The following CUL9 variants were observed in gnomAD, a reference collection of about 807,000 sequenced individuals.
The protein encoded by CUL9 is cullin 9, also known as cullin-9.
In CUL9, 79 loss-of-function variants were observed where a neutral mutation model predicts 272.6. The ratio of observed to expected loss-of-function variants is 0.29; its 90% CI spans 0.24 to 0.35. The LOEUF is 0.35. Among genes scored for constraint, CUL9 ranks in the 10% least tolerant of loss-of-function variants. CUL9 has a pLI of 1.00. For missense variants in CUL9, 2,532 were observed against 3,255.6 expected (o/e 0.78, Z 5.41); for synonymous variants, 1,186 against 1,286.5 (o/e 0.92, Z 1.67).
In CUL9 at chr6:43,187,242, T is replaced by C. The variant is rs765556937; in HGVS notation, c.1388-4T>C. 4.3e-5 allele frequency: 69 copies of C among 1,613,594 alleles called. No homozygotes were observed. Among genetic ancestry groups the C allele is most frequent in the Non-Finnish European group, 5.8e-5 (68 of 1,179,724 alleles). On this transcript the variant is annotated splice_polypyrimidine_tract_variant and splice_region_variant and intron_variant, in intron 5 of 40. Transcript: ENST00000252050. ...GCTGATGCCCGCCATGCCTGTGTCC[T>C]CAGCATTTCCCTCCTGGGACTGGAA...
chr6:43,223,686 C>G lies in CUL9; in HGVS notation c.7284+289C>G. 1 of 528,132 alleles carries G rather than the reference C, an allele frequency of 1.9e-6. No individual in the cohort carries two copies. Among genetic ancestry groups the G allele is most frequent in the Non-Finnish European group, 3.4e-6 (1 of 294,650 alleles). 32.7% of individuals were successfully genotyped at this position (528,132 alleles called of 1,614,324 possible). ...GAATCACTTGGGGAACTTTTCCAGA[C>G]TGTACTTCCCAGATAGGGATTTGAA... On this transcript the variant is annotated intron_variant, in intron 39 of 40. Coordinates refer to ENST00000252050, the MANE Select transcript of CUL9 (RefSeq NM_015089.4). The surrounding 1 kb of genome is among the most constrained non-coding windows in gnomAD (Gnocchi z 4.1).
In CUL9 at chr6:43,186,199, G is replaced by A. The variant is rs568642278; in HGVS notation, c.995G>A (p.Arg332Gln). Residue 332 changes from arginine (R) to glutamine (Q), a missense_variant, in exon 4 of 41, where the codon CGG becomes CAG. By Grantham distance (43) the Arg-to-Gln change is conservative. Coordinates refer to ENST00000252050, the MANE Select transcript of CUL9 (RefSeq NM_015089.4). The part of the protein sequence containing the change: ...NLSEQGMSPP[R>Q]PTRSIFQPYI... ...AGCGAACAGGGCATGTCACCTCCCC[G>A]GCCAACCCGGTCCATCTTTCAGCCC... 35 of 1,614,052 alleles carry A rather than the reference G, an allele frequency of 2.2e-5. No individual in the cohort carries two copies. Among genetic ancestry groups the A allele is most frequent in the African/African-American group, 5.3e-5 (4 of 74,932 alleles).
At chr6:43,189,298 TC>T (rs1773215766) in intron 8 of CUL9, among the ~76,000 whole-genome samples, 1 of 152,068 alleles carries the variant, frequency 6.6e-6, no homozygotes, top group Non-Finnish European at 1.5e-5. Context: ...CAAGGGATTC[TC>T]CCGCCTCAGC....
chr6:43,187,503 G>C (rs1279820435), intron 6 of CUL9, 64 bp downstream of exon 6: 4 of 1,538,620 alleles, frequency 2.6e-6, no homozygotes, highest in Non-Finnish European at 3.6e-6. Context: ...TCTCTAGAGG[G>C]AGTTTCAGAT....
At position 43,190,154 on chromosome 6, in the gene CUL9, G is replaced by A. The variant is rs191690514; in HGVS notation, c.2180+1439G>A. Reference sequence around the variant, plus strand: ...AGTTTCAAGTGCAGTGTTCTAACGCGTCTGTTTTTCCTTACGTCTGCCAAC... The same window carrying A: ...AGTTTCAAGTGCAGTGTTCTAACGCATCTGTTTTTCCTTACGTCTGCCAAC... On this transcript the variant is annotated intron_variant, in intron 8 of 40. Transcript: ENST00000252050. Among the ~76,000 whole-genome samples, 11 of 152,102 alleles carry A rather than the reference G, an allele frequency of 7.2e-5. No homozygotes were observed. In the East Asian group the frequency reaches 7.7e-4, roughly 11 times the overall value.
chr6:43,203,836 T>C lies in CUL9; in HGVS notation c.4026-18T>C, dbSNP rs771399915. The C allele has an allele frequency of 1.0e-5, 16 of 1,597,150 alleles. 1 individual carries two copies. In the South Asian group the frequency reaches 1.8e-4, roughly 18 times the overall value. Reference sequence around the variant, plus strand: ...AATCGGTGCCATTAATCCTCCGCCATGCACTGTTTGTTCCCAGACTGAACA... The same window carrying C: ...AATCGGTGCCATTAATCCTCCGCCACGCACTGTTTGTTCCCAGACTGAACA... On this transcript the variant is annotated intron_variant, in intron 19 of 40. Coordinates refer to ENST00000252050, the MANE Select transcript of CUL9 (RefSeq NM_015089.4). This position sits in a 1 kb window ranked among gnomAD's most constrained non-coding sequence, Gnocchi z 5.0.
At chr6:43,201,661 A>C (rs568875927) in intron 16 of CUL9, among the ~76,000 whole-genome samples, 5 of 152,116 alleles carry the variant, frequency 3.3e-5, no homozygotes, top group Admixed American at 3.3e-4. Flanking sequence ...TTGTATTTTT[A>C]GTAGAGACGG....
Position 43,203,274 on chromosome 6 carries a change from G to A in CUL9, c.3849+70G>A. ...CACAAGTTTCTCCTTGATCTGCTTG[G>A]GAGATGGCCCAGGACCTGTTGAGTC... On this transcript the variant is annotated intron_variant, in intron 18 of 40. Transcript: ENST00000252050. The surrounding 1 kb of genome is among the most constrained non-coding windows in gnomAD (Gnocchi z 5.0). The A allele has an allele frequency of 6.2e-7, 1 of 1,602,112 alleles. No homozygotes were observed. Among genetic ancestry groups the A allele is most frequent in the Non-Finnish European group, 8.6e-7 (1 of 1,169,536 alleles).
chr6:43,185,126 G>T (rs113242481), intron 2 of CUL9, among the ~76,000 whole-genome samples: 4 of 152,346 alleles, frequency 2.6e-5, no homozygotes, highest in African/African-American at 7.2e-5. Context: ...ATTGACCAGA[G>T]AAGAGAATAG....
Position 43,199,565 on chromosome 6 carries a change from G to T in CUL9, c.3156+194G>T, listed in dbSNP as rs1386176725. ...TCTTTGAAGTATAAACCTTTTAGAT[G>T]ATTTTAGATTTGGAGTTTAGATTCT... On this transcript the variant is annotated intron_variant, in intron 13 of 40. Coordinates refer to ENST00000252050, the MANE Select transcript of CUL9 (RefSeq NM_015089.4). The surrounding 1 kb of genome is among the most constrained non-coding windows in gnomAD (Gnocchi z 4.4). Among the ~76,000 whole-genome samples the T allele has an allele frequency of 1.3e-5, 2 of 152,240 alleles. No homozygotes were observed. Among genetic ancestry groups the T allele is most frequent in the Non-Finnish European group, 2.9e-5 (2 of 68,044 alleles).
chr6:43,183,702 CTT>C lies in CUL9; in HGVS notation c.-9-598_-9-597del, dbSNP rs1301103510. ...TCTTTTTGTAAACTCCCCTTCCTTC[CTT>C]TCTTCCTTCCTTCCTTCCTTCCTTC... On this transcript the variant is annotated intron_variant, in intron 1 of 40. Coordinates refer to ENST00000252050, the MANE Select transcript of CUL9 (RefSeq NM_015089.4). 3.3e-4 allele frequency among the ~76,000 whole-genome samples: 27 copies of C among 80,852 alleles called. No individual in the cohort carries two copies. In the African/African-American group the frequency reaches 3.5e-3, roughly 10 times the overall value. The allele number at this position is 80,852 out of a possible 152,430, so 53.0% of individuals were successfully genotyped here.
At chr6:43,185,429 A>C in intron 2 of CUL9, 27 bp from the exon 3 acceptor site, 1 of 1,605,288 alleles carries the variant, frequency 6.2e-7, no homozygotes, top group Non-Finnish European at 8.5e-7. Context: ...GATTGAGGAG[A>C]AGATATGGAT....
At chr6:43,185,088 C>T (rs1005271217) in intron 2 of CUL9, among the ~76,000 whole-genome samples, 183 bp downstream of exon 2, 7 of 152,156 alleles carry the variant, frequency 4.6e-5, no homozygotes, top group Admixed American at 3.3e-4. Context: ...AAATGATAGC[C>T]TCTGGCTTAT....
intron 26 of CUL9, among the ~76,000 whole-genome samples, chr6:43,208,338 T>C (rs1276885778): frequency 6.6e-6 from 1 of 152,212 alleles, no homozygotes; most frequent in Non-Finnish European, 1.5e-5. Flanking sequence ...CCCGATTAGC[T>C]GGGATTACAG....
chr6:43,187,350 G>C lies in CUL9; in HGVS notation c.1492G>C (p.Glu498Gln). The C allele has an allele frequency of 6.2e-7, 1 of 1,614,120 alleles. No homozygotes were observed. The highest frequency in any genetic ancestry group is 8.5e-7 in the Non-Finnish European group (1 of 1,180,004). The part of the protein sequence containing the change: ...NERVGYLTQA[E>Q]WWELLFFIKK... The stretch of plus-strand genomic sequence containing the variant: ...GAGAGTGGGATATCTGACCCAGGCT[G>C]AATGGTGGGAGCTGCTTTTCTTTAT... The change falls in exon 6 of 41, where the codon GAA (glutamate) becomes CAA (glutamine). Residue 498 changes from glutamate (E) to glutamine (Q), a missense_variant. Around this residue, in one of 3 missense-constraint regions of CUL9, gnomAD observed 2,218 missense variants for 2,788.6 expected, o/e 0.80. Coordinates refer to ENST00000252050, the MANE Select transcript of CUL9 (RefSeq NM_015089.4).
Position 43,184,703 on chromosome 6 carries a change from A to G in CUL9, c.393A>G (p.Ala131=), listed in dbSNP as rs1408159512. Residue 131 remains alanine, a synonymous_variant, in exon 2 of 41, where the codon GCA becomes GCG. Transcript: ENST00000252050. This position sits in a 1 kb window ranked among gnomAD's most constrained non-coding sequence, Gnocchi z 4.8. ...TACGCAGGGCGGCCAGGCAGCTGGC[A>G]GAAAGTGGGACCCCAAGCCTCACGG... is the stretch of plus-strand genomic sequence containing the variant. ...ALVRRAARQL[A]ESGTPSLTAA... is the part of the protein sequence containing the mutation. 6.2e-7 allele frequency: 1 copy of G among 1,613,894 alleles called. No homozygotes were observed. Among genetic ancestry groups the G allele is most frequent in the African/African-American group, 1.3e-5 (1 of 75,068 alleles).
Position 43,223,766 on chromosome 6 carries a change from G to A in CUL9, c.7285-329G>A, listed in dbSNP as rs1562067759. On this transcript the variant is annotated intron_variant, in intron 39 of 40. Coordinates refer to ENST00000252050, the MANE Select transcript of CUL9 (RefSeq NM_015089.4). This position sits in a 1 kb window ranked among gnomAD's most constrained non-coding sequence, Gnocchi z 4.1. ...GTCACTGGAGCAAGGGCTCTCCCAG[G>A]CTCTCTCCAGCTCTAATGCACTGAT... 2 of 498,228 alleles carry A rather than the reference G, an allele frequency of 4.0e-6. No individual in the cohort carries two copies. The highest frequency in any genetic ancestry group is 3.6e-6 in the Non-Finnish European group (1 of 274,312). 30.9% of individuals were successfully genotyped at this position (498,228 alleles called of 1,614,324 possible).
Position 43,222,549 on chromosome 6 carries a change from C to A in CUL9, c.6940C>A (p.Arg2314=), listed in dbSNP as rs1212337730. The A allele has an allele frequency of 1.9e-6, 3 of 1,613,842 alleles. No individual in the cohort carries two copies. The highest frequency in any genetic ancestry group is 2.5e-6 in the Non-Finnish European group (3 of 1,180,014). The change falls in exon 37 of 41, where the codon CGG becomes AGG. Residue 2314 remains arginine, a synonymous_variant. Transcript: ENST00000252050. Reference sequence around the variant, plus strand: ...CACACAGGAGTTTGCTGTGAACTTGCGGAACCGGGTGTCTGCCATCCATGA... The same window carrying A: ...CACACAGGAGTTTGCTGTGAACTTGAGGAACCGGGTGTCTGCCATCCATGA... ...HQAREFAVNL[R]NRVSAIHEVP...
Position 43,215,194 on chromosome 6 carries a change from G to GCCAGGGCTACGTGAAACGGCGTGATGA in CUL9, c.5807_5833dup (p.Gln1936_Asp1944dup). 6.2e-7 allele frequency: 1 copy of GCCAGGGCTACGTGAAACGGCGTGATGA among 1,614,162 alleles called. No homozygotes were observed. Among genetic ancestry groups the GCCAGGGCTACGTGAAACGGCGTGATGA allele is most frequent in the Non-Finnish European group, 8.5e-7 (1 of 1,180,030 alleles). Reference sequence around the variant, plus strand: ...CTCTCTTGCATCCTGCACCTCTTAGGCCAGGGCTACGTGAAACGGCGTGAT... The same window carrying GCCAGGGCTACGTGAAACGGCGTGATGA: ...CTCTCTTGCATCCTGCACCTCTTAGGCCAGGGCTACGTGAAACGGCGTGATGACCAGGGCTACGTGAAACGGCGTGAT... On this transcript the variant is annotated inframe_insertion, in exon 30 of 41. Transcript: ENST00000252050.
Sources: gnomAD v4.1 joint callset for allele counts (sites outside exome capture counted in the v4.1 genomes callset) on GRCh38, gnomAD v4.1.1 for gene constraint, gnomAD v4.1.1 regional missense constraint, Gnocchi (gnomAD v3.1) non-coding constraint, MANE v1.5 for transcripts, NCBI Gene and HGNC (gene_info 2026-07-23, HGNC 2026-07-21) for gene names.